Variants in FSTL5 observed in about 807,000 individuals in gnomAD.
FSTL5 encodes the protein follistatin like 5, also known as follistatin-related protein 5.
FSTL5 carries 62 observed loss-of-function variants against 89.1 expected under a neutral mutation model. That is an observed-to-expected ratio of 0.70 (90% CI 0.57 to 0.86). The LOEUF is 0.86. Among genes scored for constraint, FSTL5 ranks in the 40% least tolerant of loss-of-function variants. The probability of loss-of-function intolerance (pLI) is 0.00; values close to 1 mark genes in which losing one functional copy is unlikely to be tolerated. For synonymous variants in FSTL5, 383 were observed against 346.2 expected (o/e 1.11, Z -1.18); for missense variants, 1,057 against 1,001.6 (o/e 1.06, Z -0.75).
intron 6 of FSTL5, among the ~76,000 whole-genome samples, chr4:161,661,898 T>C (rs528143260): frequency 9.7e-4 from 148 of 152,314 alleles, no homozygotes; most frequent in African/African-American, 3.4e-3. Flanking sequence ...AAATCATTTA[T>C]TCTTAAAAGC....
At chr4:161,947,979 C>A (rs1734780996) in intron 3 of FSTL5, among the ~76,000 whole-genome samples, 1 of 151,720 alleles carries the variant, frequency 6.6e-6, no homozygotes, top group South Asian at 2.1e-4. Flanking sequence ...ATTTTCTAAT[C>A]AAGAAAGAAA....
intron 3 of FSTL5, among the ~76,000 whole-genome samples, chr4:161,997,957 G>A (rs1736351778): frequency 6.6e-6 from 1 of 152,130 alleles, no homozygotes; most frequent in Non-Finnish European, 1.5e-5. Context: ...ATGTGAGGAT[G>A]GATTATAATG....
At chr4:161,590,286 T>A (rs896586255) in intron 7 of FSTL5, among the ~76,000 whole-genome samples, 17 of 152,218 alleles carry the variant, frequency 1.1e-4, no homozygotes, top group Middle Eastern at 3.4e-3. Flanking sequence ...ACACCTGTAA[T>A]CCCAACACTT....
intron 15 of FSTL5, among the ~76,000 whole-genome samples, chr4:161,437,900 G>C (rs1732624867): frequency 6.6e-6 from 1 of 152,160 alleles, no homozygotes; most frequent in Non-Finnish European, 1.5e-5. Flanking sequence ...GATGCTGTGA[G>C]ATAACAAGAA....
chr4:161,731,653 T>G (rs6824369), intron 6 of FSTL5, among the ~76,000 whole-genome samples: 6,968 of 151,990 alleles, frequency 0.046, 330 homozygotes, highest in South Asian at 0.16. Context: ...GGTAGTTCTT[T>G]ATAGCACTAT....
intron 10 of FSTL5, among the ~76,000 whole-genome samples, chr4:161,513,607 G>A (rs1385354641): frequency 6.6e-6 from 1 of 152,126 alleles, no homozygotes; most frequent in Non-Finnish European, 1.5e-5. Flanking sequence ...ATCAGTGGTA[G>A]ACTGGGTAAA....
chr4:161,741,840 G>C (rs1332338422), intron 6 of FSTL5, among the ~76,000 whole-genome samples: 1 of 151,662 alleles, frequency 6.6e-6, no homozygotes, highest in Non-Finnish European at 1.5e-5. Flanking sequence ...GGCACACACT[G>C]CCACGCCAGG....
intron 15 of FSTL5, among the ~76,000 whole-genome samples, chr4:161,431,505 G>GA (rs1390846689): frequency 2.7e-5 from 4 of 149,414 alleles, no homozygotes; most frequent in East Asian, 2.0e-4. Flanking sequence ...CATACTACCA[G>GA]AAAAAATCAC....
At chr4:161,817,132 G>C (rs189801642) in intron 4 of FSTL5, among the ~76,000 whole-genome samples, 1 of 152,276 alleles carries the variant, frequency 6.6e-6, no homozygotes, top group East Asian at 1.9e-4. Context: ...ATCCAAATAT[G>C]ATTAGTCATG....
At chr4:161,975,691 C>G (rs1354093252) in intron 3 of FSTL5, among the ~76,000 whole-genome samples, 4 of 150,084 alleles carry the variant, frequency 2.7e-5, no homozygotes, top group African/African-American at 4.9e-5. Flanking sequence ...CAGCATGGCA[C>G]ATGTATACAT....
chr4:161,635,421 G>A (rs1451674455), intron 7 of FSTL5, among the ~76,000 whole-genome samples: 1 of 151,664 alleles, frequency 6.6e-6, no homozygotes, highest in African/African-American at 2.4e-5. Context: ...ATATCTACCT[G>A]CTATACAAAA....
chr4:161,620,752 GAATA>G (rs2126645646), intron 7 of FSTL5, among the ~76,000 whole-genome samples: 1 of 152,132 alleles, frequency 6.6e-6, no homozygotes, highest in African/African-American at 2.4e-5. Flanking sequence ...ATACAGAAAT[GAATA>G]AAGACACTCA....
rs1436746591 is a variant in FSTL5, at chr4:161,783,711, CTTTCTTTCTTTCTTCTTTTCT to C, written c.410-7658_410-7638del. ...TCTTTCTTTCTTTCTTTCTTTCTTTCTTTCTTTCTTTCTTCTTTTCTTTTCTTTCTTTCTTTCTTTCTTTCT... is the reference window on the plus strand; with the variant it reads ...TCTTTCTTTCTTTCTTTCTTTCTTTCTTTCTTTCTTTCTTTCTTTCTTTCT... On this transcript the variant is annotated intron_variant, in intron 4 of 15. Transcript: ENST00000306100. Among the ~76,000 whole-genome samples, 113 of 24,108 alleles carry C rather than the reference CTTTCTTTCTTTCTTCTTTTCT, an allele frequency of 4.7e-3. 26 individuals carry two copies. The highest frequency in any genetic ancestry group is 6.6e-3 in the East Asian group (6 of 908). 15.8% of individuals were successfully genotyped at this position (24,108 alleles called of 152,430 possible).
intron 3 of FSTL5, among the ~76,000 whole-genome samples, chr4:161,988,065 T>TA (rs5863506): frequency 0.23 from 33,313 of 146,652 alleles, 4,068 homozygotes; most frequent in African/African-American, 0.34. Flanking sequence ...AAAAAACCAC[T>TA]AAAAAAAAAA....
chr4:161,532,317 T>G lies in FSTL5; in HGVS notation c.1312+5849A>C, dbSNP rs576288103. ...TAAGATCGAAACAGAAATCTCTCGA[T>G]GTATTAGTATTTATTTCATATTAAA... is the stretch of plus-strand genomic sequence containing the variant. On this transcript the variant is annotated intron_variant, in intron 10 of 15. Transcript: ENST00000306100. 3.9e-5 allele frequency among the ~76,000 whole-genome samples: 6 copies of G among 152,250 alleles called. No homozygotes were observed. In the South Asian group the frequency reaches 8.3e-4, roughly 21 times the overall value.
chr4:161,927,208 T>G (rs771093725), intron 3 of FSTL5, among the ~76,000 whole-genome samples: 1 of 151,708 alleles, frequency 6.6e-6, no homozygotes, highest in Non-Finnish European at 1.5e-5. Flanking sequence ...TTTTATTTTA[T>G]ATAAATCTAT....
At chr4:161,833,647 G>A (rs1195779978) in intron 4 of FSTL5, among the ~76,000 whole-genome samples, 1 of 151,932 alleles carries the variant, frequency 6.6e-6, no homozygotes, top group Non-Finnish European at 1.5e-5. Context: ...AGCCTTCTTT[G>A]TCTCTTTTGA....
rs576832255 is a variant in FSTL5, at chr4:162,036,655, C to A, written c.127-2997G>T. ...ATTAACCAACAAAAGAGGATGGAAG[C>A]ATAAAAAAATTACAGGAGAAAAATC... On this transcript the variant is annotated intron_variant, in intron 2 of 15. Coordinates refer to ENST00000306100, the MANE Select transcript of FSTL5 (RefSeq NM_020116.5). Among the ~76,000 whole-genome samples, 286 of 151,694 alleles carry A rather than the reference C, an allele frequency of 1.9e-3. 2 individuals carry two copies. The highest frequency in any genetic ancestry group is 6.7e-3 in the African/African-American group (279 of 41,388).
At chr4:161,661,196 A>G (rs1205782512) in intron 6 of FSTL5, among the ~76,000 whole-genome samples, 1 of 152,220 alleles carries the variant, frequency 6.6e-6, no homozygotes, top group Non-Finnish European at 1.5e-5. Flanking sequence ...TTTTAAAATC[A>G]TAAGAAGAGC....
Sources: allele counts gnomAD v4.1 joint callset (sites outside exome capture counted in the v4.1 genomes callset), GRCh38; gene constraint gnomAD v4.1.1; transcripts MANE v1.5; gene names NCBI Gene and HGNC (gene_info 2026-07-23, HGNC 2026-07-21).